DCAF6: variants seen among roughly 807,000 people sequenced by gnomAD.
The protein encoded by DCAF6 is DDB1 and CUL4 associated factor 6.
A neutral mutation model predicts 125.1 loss-of-function variants in DCAF6; 54 were observed. The ratio of observed to expected loss-of-function variants is 0.43; its 90% confidence interval spans 0.35 to 0.54. The LOEUF is 0.54. DCAF6 is among the 20% of genes least tolerant of loss of function. The pLI, the probability that DCAF6 is intolerant of heterozygous loss-of-function variation, is 0.01. For synonymous variants in DCAF6, 371 were observed against 390.4 expected, an observed-to-expected ratio of 0.95 and a Z score of 0.58; for missense variants, 934 against 1,161.7, an observed-to-expected ratio of 0.80 and a Z score of 2.85.
At chr1:168,062,168 C>T (rs1239104880) in intron 17 of DCAF6, among the ~76,000 whole-genome samples, 2 of 152,046 alleles carry the variant, frequency 1.3e-5, no homozygotes, top group Non-Finnish European at 2.9e-5. Context: ...ATGTATTATT[C>T]CACTTAATTA....
chr1:167,942,315 C>T (rs1348513592), intron 1 of DCAF6, among the ~76,000 whole-genome samples: 1 of 152,182 alleles, frequency 6.6e-6, no homozygotes, highest in African/African-American at 2.4e-5. Context: ...TGACCTGCTT[C>T]GGCCTCCCAA....
intron 2 of DCAF6, among the ~76,000 whole-genome samples, chr1:167,958,836 A>G (rs769432262): frequency 2.6e-5 from 4 of 152,132 alleles, no homozygotes; most frequent in African/African-American, 9.7e-5. Flanking sequence ...AACATCTTCC[A>G]CCTGAGTGGT....
the DCAF6 span, chr1:167,904,712 A>G: frequency 3.0e-4 from 181 of 606,152 alleles, 1 homozygote; most frequent in East Asian, 4.9e-3. Context: ...GGGGCTGGAG[A>G]GGATGAGTCA....
chr1:167,938,187 G>A (rs763134297), intron 1 of DCAF6, among the ~76,000 whole-genome samples: 8 of 152,060 alleles, frequency 5.3e-5, no homozygotes, highest in Non-Finnish European at 1.2e-4. Flanking sequence ...AATATTTTCT[G>A]TTTTCTGAAT....
At chr1:168,030,041 C>T (rs954413919) in intron 12 of DCAF6, among the ~76,000 whole-genome samples, 1 of 151,452 alleles carries the variant, frequency 6.6e-6, no homozygotes, top group African/African-American at 2.4e-5. Context: ...GCGTTAGAAA[C>T]GTGTCTCAAA....
At chr1:167,911,375 C>T in the DCAF6 span, among the ~76,000 whole-genome samples, 3 of 152,242 alleles carry the variant, frequency 2.0e-5, no homozygotes, top group Non-Finnish European at 1.5e-5. Flanking sequence ...GTTCTTGGCT[C>T]CCACAATGTA....
chr1:168,072,659 A>G (rs1693262505), intron 21 of DCAF6, among the ~76,000 whole-genome samples: 1 of 152,194 alleles, frequency 6.6e-6, no homozygotes, highest in Non-Finnish European at 1.5e-5. Flanking sequence ...CTGGTAAATA[A>G]GTACACATCT....
the DCAF6 span, chr1:167,920,189 GA>G: frequency 1.3e-6 from 1 of 753,488 alleles, no homozygotes; most frequent in Middle Eastern, 2.8e-4. Context: ...AATAATGTAG[GA>G]TGAGGGACAA....
chr1:167,944,697 G>GATATT (rs1672795824), intron 1 of DCAF6, among the ~76,000 whole-genome samples: 1 of 152,122 alleles, frequency 6.6e-6, no homozygotes. Context: ...GTGTAGTCTG[G>GATATT]ATATTAGTCC....
chr1:167,961,477 G>A (rs1283489168), intron 2 of DCAF6, among the ~76,000 whole-genome samples: 6 of 152,096 alleles, frequency 3.9e-5, no homozygotes, highest in Non-Finnish European at 8.8e-5. Flanking sequence ...TCCTGACCCC[G>A]TGATCCGCCC....
Position 167,936,861 on chromosome 1 carries a change from C to CAACCCA in DCAF6, c.-51_-50insAACCCA. ...TTGAAACGGGTGTCCCCTCCCCCTC[C>CAACCCA]TCCCCTCCCCCACGCGGTGGTCTCC... is the stretch of plus-strand genomic sequence containing the variant. On this transcript the variant is annotated 5_prime_UTR_variant, in exon 1 of 22. Coordinates refer to ENST00000367840, the MANE Select transcript of DCAF6 (RefSeq NM_001198956.2). 6.2e-6 allele frequency: 9 copies of CAACCCA among 1,442,162 alleles called. No individual in the cohort carries two copies. Among genetic ancestry groups the CAACCCA allele is most frequent in the Non-Finnish European group, 8.6e-6 (9 of 1,049,906 alleles). 89.3% of individuals were successfully genotyped at this position (1,442,162 alleles called of 1,614,324 possible). A position where few individuals can be genotyped will look rare whatever the true frequency, so the allele number is the denominator to read the frequency against.
the DCAF6 span, among the ~76,000 whole-genome samples, chr1:167,915,413 A>G: frequency 1.4e-4 from 22 of 152,216 alleles, no homozygotes; most frequent in Non-Finnish European, 2.8e-4. Flanking sequence ...AACTTCCTTT[A>G]AAGTACTTAA....
rs778877335 is a variant in DCAF6, at chr1:168,053,589, G to A, written c.2300+2656G>A. Among the ~76,000 whole-genome samples, 24 of 152,292 alleles carry A rather than the reference G, an allele frequency of 1.6e-4. No homozygotes were observed. The East Asian group carries it at 3.1e-3, about 20-fold the overall frequency. On this transcript the variant is annotated intron_variant, in intron 17 of 21. Transcript: ENST00000367840. Reference sequence around the variant, plus strand: ...AAGAATCCAGGCTCAGTGTTCCAAAGTTCTCCCTTTCAGAATGTGCACCTC... The same window carrying A: ...AAGAATCCAGGCTCAGTGTTCCAAAATTCTCCCTTTCAGAATGTGCACCTC...
intron 1 of DCAF6, among the ~76,000 whole-genome samples, chr1:167,948,000 CTCTT>C (rs763441410): frequency 1.3e-4 from 20 of 152,076 alleles, no homozygotes; most frequent in Non-Finnish European, 5.9e-5. Context: ...TGCAGTGTAT[CTCTT>C]TCTTTAGGTC....
At chr1:167,926,621 TGCTGCTGCTGCTGCC>T in the DCAF6 span, among the ~76,000 whole-genome samples, 716 of 152,296 alleles carry the variant, frequency 4.7e-3, 9 homozygotes, top group East Asian at 0.061. Context: ...CTGCTGCAGA[TGCTGCTGCTGCTGCC>T]GCTGCTGCTG....
chr1:167,897,662 C>A, the DCAF6 span, among the ~76,000 whole-genome samples: 2,430 of 2,430 alleles, frequency 1, 1,215 homozygotes, highest in Non-Finnish European at 1. Context: ...GACAACGGAA[C>A]CACTGAAGTG....
At chr1:167,979,495 T>TA (rs2102927936) in intron 4 of DCAF6, among the ~76,000 whole-genome samples, 1 of 152,358 alleles carries the variant, frequency 6.6e-6, no homozygotes, top group African/African-American at 2.4e-5. Flanking sequence ...GACTGACTGA[T>TA]TTCACTTAGC....
In DCAF6 at chr1:168,073,493, C is replaced by T. The variant is rs991716027; in HGVS notation, c.2792-1878C>T. ...CACTGTCACTTATTCTGTGACCTATCGTAAGACTCTTGGCCCTCATTTGTC... is the reference window on the plus strand; with the variant it reads ...CACTGTCACTTATTCTGTGACCTATTGTAAGACTCTTGGCCCTCATTTGTC... On this transcript the variant is annotated intron_variant, in intron 21 of 21. Transcript: ENST00000367840. Among the ~76,000 whole-genome samples, 10 of 152,146 alleles carry T rather than the reference C, an allele frequency of 6.6e-5. No homozygotes were observed. In the South Asian group the frequency reaches 1.0e-3, roughly 16 times the overall value.
chr1:167,920,130 G>A, the DCAF6 span: 2 of 1,271,174 alleles, frequency 1.6e-6, no homozygotes, highest in South Asian at 1.3e-5. Flanking sequence ...AATACATACT[G>A]CTTCAATAAC....
Sources: allele counts gnomAD v4.1 joint callset (sites outside exome capture counted in the v4.1 genomes callset), GRCh38; gene constraint gnomAD v4.1.1; transcripts MANE v1.5; gene names NCBI Gene and HGNC (gene_info 2026-07-23, HGNC 2026-07-21).